The following CACNA1A variants were observed in gnomAD, a reference collection of about 807,000 sequenced individuals.
The protein encoded by CACNA1A is voltage-dependent P/Q-type calcium channel subunit alpha-1A.
CACNA1A carries 57 observed loss-of-function variants against 262.4 expected under a neutral mutation model. The ratio of observed to expected loss-of-function variants is 0.22; its 90% CI spans 0.18 to 0.27. CACNA1A has a LOEUF of 0.27. Ranked by LOEUF, CACNA1A falls within the 10% of genes least tolerant of loss-of-function variation. CACNA1A has a pLI of 1.00. For synonymous variants in CACNA1A, 1,431 were observed against 1,419.3 expected, an observed-to-expected ratio of 1.01 and a Z score of -0.18; for missense variants, 2,526 against 3,562.8, an observed-to-expected ratio of 0.71 and a Z score of 7.41.
chr19:13,257,556 A>G lies in CACNA1A; in HGVS notation c.4389-5T>C, dbSNP rs896214992. 2.6e-6 allele frequency: 4 copies of G among 1,566,632 alleles called. No homozygotes were observed. Among genetic ancestry groups the G allele is most frequent in the Admixed American group, 1.9e-5 (1 of 52,028 alleles). ...TCCACCGAATGCTTGAGGACCCTGC[A>G]AGGAATGGGGCAGGGAGAGGGAAGG... is the stretch of plus-strand genomic sequence containing the variant. On this transcript the variant is annotated splice_polypyrimidine_tract_variant and splice_region_variant and intron_variant, in intron 27 of 46. Coordinates refer to ENST00000360228, the MANE Select transcript of CACNA1A (RefSeq NM_001127222.2).
intron 31 of CACNA1A, among the ~76,000 whole-genome samples, chr19:13,243,332 G>A (rs191961415): frequency 5.8e-4 from 89 of 152,250 alleles, no homozygotes; most frequent in African/African-American, 2.1e-3. Flanking sequence ...ACTTGGGTGC[G>A]GGTGCCGTAG....
At position 13,487,015 on chromosome 19, in the gene CACNA1A, G is replaced by A. The variant is rs907990238; in HGVS notation, c.293+18917C>T. Among the ~76,000 whole-genome samples the A allele has an allele frequency of 1.3e-5, 2 of 152,122 alleles. 1 individual carries two copies. The highest frequency in any genetic ancestry group is 4.1e-4 in the South Asian group (2 of 4,832). ...AGGCCCTGGCTGGGGGAAATGGGAT[G>A]GCATGGCCCACCGTGGTTCCCAAGC... On this transcript the variant is annotated intron_variant, in intron 1 of 46. Coordinates refer to ENST00000360228, the MANE Select transcript of CACNA1A (RefSeq NM_001127222.2).
intron 8 of CACNA1A, chr19:13,333,743 A>G (rs2058509070): frequency 6.6e-6 from 1 of 151,888 alleles, no homozygotes; most frequent in African/African-American, 2.4e-5. Context: ...CCAACTTCCT[A>G]CTCTGTTTTA....
At chr19:13,370,307 G>T (rs1457179193) in intron 4 of CACNA1A, among the ~76,000 whole-genome samples, 2 of 151,956 alleles carry the variant, frequency 1.3e-5, no homozygotes, top group Non-Finnish European at 1.5e-5. Context: ...CCCCATTTTG[G>T]CCAGGCAGGT....
chr19:13,212,680 G>A lies in CACNA1A; in HGVS notation c.6001C>T (p.Pro2001Ser), dbSNP rs751947412. The A allele has an allele frequency of 3.8e-5, 57 of 1,512,542 alleles. No homozygotes were observed. Among genetic ancestry groups the A allele is most frequent in the Middle Eastern group, 1.9e-4 (1 of 5,244 alleles). 93.7% of individuals were successfully genotyped at this position (1,512,542 alleles called of 1,614,324 possible). Residue 2001 changes from proline to serine, a missense_variant, in exon 41 of 47, where the codon CCT (proline) becomes TCT (serine). Physicochemically the swap from Pro to Ser is moderately conservative, Grantham distance 74. Around this residue, in one of 17 missense-constraint regions of CACNA1A, gnomAD observed 929 missense variants for 868.1 expected, o/e 1.07. Coordinates refer to ENST00000360228, the MANE Select transcript of CACNA1A (RefSeq NM_001127222.2). The surrounding 1 kb of genome is among the most constrained non-coding windows in gnomAD (Gnocchi z 5.6). ...GTGGAGGGGAGGGCGTTCTGGCCAG[G>A]TCCCCCTTCCTGCGTTGGGGACGGG... The part of the protein sequence containing the change: ...EPPSPTQEGG[P>S]GQNALPSTQL...
intron 3 of CACNA1A, among the ~76,000 whole-genome samples, chr19:13,427,014 G>C (rs556933109): frequency 1.3e-5 from 2 of 152,252 alleles, no homozygotes; most frequent in Non-Finnish European, 2.9e-5. Context: ...AATGCCTAGC[G>C]GGGAAAAATG....
At chr19:13,386,168 AGAAG>A (rs1311397378) in intron 3 of CACNA1A, among the ~76,000 whole-genome samples, 1 of 145,256 alleles carries the variant, frequency 6.9e-6, no homozygotes, top group African/African-American at 2.6e-5. Flanking sequence ...AAAAAAAAAA[AGAAG>A]AAGAAGAATG....
At chr19:13,213,177 C>A (rs1268295900) in intron 40 of CACNA1A, among the ~76,000 whole-genome samples, 1 of 152,192 alleles carries the variant, frequency 6.6e-6, no homozygotes, top group Non-Finnish European at 1.5e-5. Flanking sequence ...GCCCTTGTCT[C>A]CTCCCTGCTC....
chr19:13,318,662 G>C (rs1335744071), intron 10 of CACNA1A, among the ~76,000 whole-genome samples: 1 of 152,082 alleles, frequency 6.6e-6, no homozygotes, highest in Non-Finnish European at 1.5e-5. Context: ...AGTTAAGCGG[G>C]GAGGATTTGG....
At chr19:13,327,135 C>A (rs914586581) in intron 10 of CACNA1A, among the ~76,000 whole-genome samples, 1 of 152,118 alleles carries the variant, frequency 6.6e-6, no homozygotes, top group African/African-American at 2.4e-5. Context: ...CCCACCTCAG[C>A]TTCCCAAAAT....
At position 13,221,344 on chromosome 19, in the gene CACNA1A, G is replaced by A. The variant is rs183052946; in HGVS notation, c.5731+3323C>T. Among the ~76,000 whole-genome samples, 189 of 133,850 alleles carry A rather than the reference G, an allele frequency of 1.4e-3. 1 individual carries two copies. The highest frequency in any genetic ancestry group is 0.013 in the South Asian group (50 of 3,932). The allele number at this position is 133,850 out of a possible 152,430, so 87.8% of individuals were successfully genotyped here. ...TGCCTCCCAGGTTCAAGTAATTCTT[G>A]TGCTCAGCTTCCCAAGTTGTTGGGA... On this transcript the variant is annotated intron_variant, in intron 38 of 46. Transcript: ENST00000360228.
At position 13,378,116 on chromosome 19, in the gene CACNA1A, A is replaced by G. The variant is rs555690146; in HGVS notation, c.540-6337T>C. ...TTTGAGGAGTTCAAGACTTCACTGG[A>G]GGAAGACACTGCAGAAGTGATGGAA... On this transcript the variant is annotated intron_variant, in intron 3 of 46. Transcript: ENST00000360228. 2.6e-5 allele frequency among the ~76,000 whole-genome samples: 4 copies of G among 152,362 alleles called. No individual in the cohort carries two copies. The South Asian group carries it at 8.3e-4, about 32-fold the overall frequency.
intron 3 of CACNA1A, among the ~76,000 whole-genome samples, chr19:13,445,074 A>G (rs2060785043): frequency 6.6e-6 from 1 of 150,818 alleles, no homozygotes; most frequent in South Asian, 2.1e-4. Context: ...TGGGAGGCGG[A>G]GGTTGCAGTG....
chr19:13,298,683 G>A lies in CACNA1A; in HGVS notation c.2950C>T (p.Arg984Trp). 3 of 1,466,806 alleles carry A rather than the reference G, an allele frequency of 2.0e-6. No individual in the cohort carries two copies. The highest frequency in any genetic ancestry group is 2.7e-6 in the Non-Finnish European group (3 of 1,113,000). 90.9% of individuals were successfully genotyped at this position (1,466,806 alleles called of 1,614,324 possible). A position where few individuals can be genotyped will look rare whatever the true frequency, so the allele number is the denominator to read the frequency against. The stretch of plus-strand genomic sequence containing the variant: ...TCGCCCTCGCCGCCCCGGGCCGGCC[G>A]GCTGCCCTCGCGGTGCCGCGCCCTC... ...ERRARHREGS[R>W]PARGGEGEGE... Residue 984 changes from arginine (R) to tryptophan (W), a missense_variant, in exon 19 of 47, where the codon CGG becomes TGG. By Grantham distance (101) the Arg-to-Trp change is moderately radical. Transcript: ENST00000360228.
At chr19:13,289,895 T>TTA (rs889503029) in intron 19 of CACNA1A, among the ~76,000 whole-genome samples, 180 of 149,358 alleles carry the variant, frequency 1.2e-3, no homozygotes, top group African/African-American at 4.3e-3. Flanking sequence ...AGTTTCTATA[T>TTA]TATATATATA....
intron 1 of CACNA1A, among the ~76,000 whole-genome samples, chr19:13,494,049 G>A (rs1192515040): frequency 3.3e-5 from 5 of 152,142 alleles, no homozygotes; most frequent in Admixed American, 3.3e-4. Context: ...TTATCAGCTG[G>A]GGTACTGAAA....
chr19:13,365,632 C>T (rs1183979544), intron 4 of CACNA1A, 163 bp from the exon 5 acceptor site: 10 of 566,356 alleles, frequency 1.8e-5, no homozygotes, highest in East Asian at 1.4e-4. Flanking sequence ...AAGCACCACA[C>T]GGAGGCTGAT....
intron 6 of CACNA1A, among the ~76,000 whole-genome samples, chr19:13,337,017 A>G (rs1438347076): frequency 6.6e-6 from 1 of 152,216 alleles, no homozygotes; most frequent in Non-Finnish European, 1.5e-5. Flanking sequence ...AAAAGCATGT[A>G]TGACACTGCT....
intron 1 of CACNA1A, among the ~76,000 whole-genome samples, chr19:13,458,151 A>T (rs1371508229): frequency 1.3e-5 from 2 of 151,754 alleles, no homozygotes; most frequent in African/African-American, 4.8e-5. Flanking sequence ...TTCTTTTCTT[A>T]TTTATTTTTA....
Sources: allele counts gnomAD v4.1 joint callset (sites outside exome capture counted in the v4.1 genomes callset), GRCh38; gene constraint gnomAD v4.1.1; regional missense constraint gnomAD v4.1.1; non-coding constraint Gnocchi (gnomAD v3.1); transcripts MANE v1.5; gene names NCBI Gene and HGNC (gene_info 2026-07-23, HGNC 2026-07-21).